The following ALG14 variants were observed in gnomAD, a reference collection of about 807,000 sequenced individuals.
The protein encoded by ALG14 is ALG14 UDP-N-acetylglucosaminyltransferase subunit.
ALG14 carries 17 observed loss-of-function variants against 22.8 expected under a neutral mutation model. The observed-to-expected ratio is 0.75, with a 90% CI of 0.51 to 1.12. The LOEUF is 1.12. Among genes scored for constraint, ALG14 ranks in the 50% most tolerant of loss-of-function variants. The pLI is 0.00. For synonymous variants in ALG14, 89 were observed against 103.7 expected (o/e 0.86, Z 0.86); for missense variants, 288 against 271.8 (o/e 1.06, Z -0.42).
chr1:95,041,917 C>G (rs1351409087), intron 2 of ALG14, among the ~76,000 whole-genome samples: 1 of 151,766 alleles, frequency 6.6e-6, no homozygotes, highest in Non-Finnish European at 1.5e-5. Flanking sequence ...CAAAAGAATC[C>G]CTATTTATTA....
At chr1:95,007,749 A>T (rs1673257934) in intron 3 of ALG14, among the ~76,000 whole-genome samples, 1 of 152,240 alleles carries the variant, frequency 6.6e-6, no homozygotes, top group African/African-American at 2.4e-5. Context: ...TGCATAAGGA[A>T]GCCAATCTGA....
chr1:95,015,771 C>T (rs1039028459), intron 3 of ALG14, among the ~76,000 whole-genome samples: 2 of 152,134 alleles, frequency 1.3e-5, no homozygotes, highest in Non-Finnish European at 2.9e-5. Flanking sequence ...AGCAAATAAT[C>T]CTTGGTTGTT....
intron 1 of ALG14, 101 bp from the exon 2 acceptor site, chr1:95,065,118 G>T (rs1229851375): frequency 9.9e-7 from 1 of 1,013,238 alleles, no homozygotes. Context: ...GGGGGTGGGG[G>T]GGCACTGTAA....
chr1:95,028,534 T>TGG (rs1673896602), intron 2 of ALG14, among the ~76,000 whole-genome samples: 2 of 152,192 alleles, frequency 1.3e-5, no homozygotes, highest in East Asian at 3.9e-4. Flanking sequence ...AATCTGGAAC[T>TGG]GGGCTGGGCA....
At chr1:95,003,144 C>G (rs1046063778) in intron 3 of ALG14, among the ~76,000 whole-genome samples, 1 of 152,154 alleles carries the variant, frequency 6.6e-6, no homozygotes, top group Non-Finnish European at 1.5e-5. Context: ...TTTTATATTG[C>G]AAACAGCACT....
intron 3 of ALG14, among the ~76,000 whole-genome samples, chr1:95,001,768 T>A (rs767799801): frequency 2.6e-5 from 4 of 152,226 alleles, no homozygotes; most frequent in Non-Finnish European, 4.4e-5. Flanking sequence ...AGTGCTGGGA[T>A]TATAGGTGTG....
chr1:95,058,284 GAAAAAAAAAAAA>G (rs56748968), intron 2 of ALG14, among the ~76,000 whole-genome samples: 917 of 20,520 alleles, frequency 0.045, 17 homozygotes, highest in African/African-American at 0.12. Flanking sequence ...GACTCCATCT[GAAAAAAAAAAAA>G]AAAAAAAAAA....
At chr1:95,050,152 C>T (rs548626013) in intron 2 of ALG14, among the ~76,000 whole-genome samples, 5 of 152,182 alleles carry the variant, frequency 3.3e-5, no homozygotes, top group African/African-American at 7.2e-5. Flanking sequence ...TGAAGCGTTC[C>T]GAGCGATATG....
rs1672392359 is a variant in ALG14 at position 94,976,037 on chromosome 1, A to AAAAAG, written c.*7038_*7039insCTTTT. On this transcript the variant is annotated 3_prime_UTR_variant, in exon 4 of 4. Transcript: ENST00000370205. ...GTCTCAAAAAAAAAAAAAAAAAAAA[A>AAAAAG]AAAGAAAGAAGAGCCTCCTTAACAC... 1 of 151,418 alleles carries AAAAAG rather than the reference A, an allele frequency of 6.6e-6. No homozygotes were observed. The highest frequency in any genetic ancestry group is 2.4e-5 in the African/African-American group (1 of 40,992). The allele number at this position is 151,418 out of a possible 1,614,324, so 9.4% of individuals were successfully genotyped here. A position where few individuals can be genotyped will look rare whatever the true frequency, so the allele number is the denominator to read the frequency against.
At chr1:94,984,828 C>A (rs1672595113) in intron 3 of ALG14, among the ~76,000 whole-genome samples, 1 of 152,238 alleles carries the variant, frequency 6.6e-6, no homozygotes, top group Admixed American at 6.5e-5. Flanking sequence ...TCGGCCCTCA[C>A]CACTGCTATT....
At chr1:94,996,450 T>C (rs1019591823) in intron 3 of ALG14, among the ~76,000 whole-genome samples, 1 of 152,188 alleles carries the variant, frequency 6.6e-6, no homozygotes. Flanking sequence ...TCCTGCTCAA[T>C]ACCACTTTAG....
At chr1:95,024,153 A>G (rs1673747514) in intron 3 of ALG14, among the ~76,000 whole-genome samples, 1 of 152,050 alleles carries the variant, frequency 6.6e-6, no homozygotes, top group African/African-American at 2.4e-5. Context: ...ATTTTTTTGT[A>G]TTTTTAGTAG....
intron 3 of ALG14, among the ~76,000 whole-genome samples, chr1:95,020,491 C>T (rs1345807715): frequency 6.6e-6 from 1 of 151,626 alleles, no homozygotes; most frequent in Admixed American, 6.6e-5. Flanking sequence ...GTAATCCCAG[C>T]ACTTTGGGAG....
At chr1:94,999,343 ATTTTTTTTTTTT>A (rs548389921) in intron 3 of ALG14, among the ~76,000 whole-genome samples, 62 of 108,780 alleles carry the variant, frequency 5.7e-4, no homozygotes, top group Admixed American at 1.0e-3. Flanking sequence ...CAGTAGACCC[ATTTTTTTTTTTT>A]TTTTTTTTTT....
intron 2 of ALG14, among the ~76,000 whole-genome samples, chr1:95,045,292 A>G (rs1428866572): frequency 6.6e-6 from 1 of 152,088 alleles, no homozygotes; most frequent in Non-Finnish European, 1.5e-5. Context: ...ACTTAGGTGG[A>G]GGGCCAAAAC....
chr1:95,044,296 G>C (rs1486579412), intron 2 of ALG14, among the ~76,000 whole-genome samples: 3 of 152,134 alleles, frequency 2.0e-5, no homozygotes, highest in African/African-American at 7.2e-5. Flanking sequence ...AGCCACACGA[G>C]TGACCTGTGT....
chr1:94,984,707 C>T (rs753535645), intron 3 of ALG14, among the ~76,000 whole-genome samples: 5 of 152,152 alleles, frequency 3.3e-5, no homozygotes, highest in Non-Finnish European at 7.4e-5. Context: ...TCTTCATAGT[C>T]CCCCAAGGCA....
At chr1:95,044,605 G>A (rs1241064685) in intron 2 of ALG14, among the ~76,000 whole-genome samples, 1 of 152,050 alleles carries the variant, frequency 6.6e-6, no homozygotes, top group Non-Finnish European at 1.5e-5. Context: ...AAGGTCCTAA[G>A]AGCAATCACA....
At chr1:95,063,036 TTC>T (rs1675221213) in intron 2 of ALG14, among the ~76,000 whole-genome samples, 1 of 152,230 alleles carries the variant, frequency 6.6e-6, no homozygotes, top group Non-Finnish European at 1.5e-5. Context: ...TGATTTGCGT[TTC>T]TCTAATGATC....
Sources: allele counts gnomAD v4.1 joint callset (sites outside exome capture counted in the v4.1 genomes callset), GRCh38; gene constraint gnomAD v4.1.1; transcripts MANE v1.5; gene names NCBI Gene and HGNC (gene_info 2026-07-23, HGNC 2026-07-21).